Variants in GMDS observed in about 807,000 individuals in gnomAD.
GMDS encodes GDP-mannose 4,6-dehydratase, also known as GDP-mannose 4,6 dehydratase.
Under a neutral mutation model 49.9 loss-of-function variants are expected in GMDS, and 20 were observed. The observed-to-expected ratio is 0.40, with a 90% CI of 0.28 to 0.58. The LOEUF is 0.58. Ranked by LOEUF, GMDS falls within the 20% of genes least tolerant of loss-of-function variation. GMDS has a pLI of 0.42. For synonymous variants in GMDS, 177 were observed against 178.6 expected (o/e 0.99, Z 0.07); for missense variants, 362 against 481.4 (o/e 0.75, Z 2.32).
At chr6:1,815,373 T>C (rs949395187) in intron 7 of GMDS, among the ~76,000 whole-genome samples, 1 of 152,168 alleles carries the variant, frequency 6.6e-6, no homozygotes, top group Non-Finnish European at 1.5e-5. Flanking sequence ...TGGAGAAAAA[T>C]AGTTACAGCA....
intron 7 of GMDS, among the ~76,000 whole-genome samples, chr6:1,877,159 C>G (rs1759110781): frequency 6.6e-6 from 1 of 151,772 alleles, no homozygotes. Context: ...ATCTAACAGC[C>G]AGAGGCACAG....
At chr6:1,999,934 T>TATACA (rs1159159936) in intron 4 of GMDS, among the ~76,000 whole-genome samples, 1 of 77,638 alleles carries the variant, frequency 1.3e-5, no homozygotes, top group South Asian at 4.0e-4. Context: ...TTATATATTA[T>TATACA]TATATATAAT....
At chr6:1,905,002 G>A (rs1412091668) in intron 7 of GMDS, among the ~76,000 whole-genome samples, 1 of 152,232 alleles carries the variant, frequency 6.6e-6, no homozygotes, top group Non-Finnish European at 1.5e-5. Flanking sequence ...GATAAGGGCA[G>A]AAAAGATGGA....
intron 7 of GMDS, among the ~76,000 whole-genome samples, chr6:1,887,819 T>G (rs1444040981): frequency 6.6e-6 from 1 of 152,228 alleles, no homozygotes; most frequent in Admixed American, 6.5e-5. Context: ...TGTGAAATGG[T>G]ATAGTAATTG....
At chr6:1,624,640 C>T (rs1762789477) in intron 9 of GMDS, 100 bp from the exon 10 acceptor site, 6 of 786,544 alleles carry the variant, frequency 7.6e-6, no homozygotes, top group Non-Finnish European at 1.3e-5. Flanking sequence ...TCCCTCTGGG[C>T]GCACAAGGCT....
chr6:1,919,133 A>G (rs1761577888), intron 7 of GMDS, among the ~76,000 whole-genome samples: 1 of 152,182 alleles, frequency 6.6e-6, no homozygotes, highest in Admixed American at 6.5e-5. Context: ...TGTGCCAGGC[A>G]TGTTGGGAGG....
Position 2,168,217 on chromosome 6 carries a change from A to G in GMDS, c.103-43486T>C, listed in dbSNP as rs1038726609. On this transcript the variant is annotated intron_variant, in intron 1 of 10. Transcript: ENST00000380815. ...ATGTGTTAGCAACAGTCATGCTCCA[A>G]TTCTTTCCATTTCCCTCCTTAGCTC... Among the ~76,000 whole-genome samples, 6 of 152,148 alleles carry G rather than the reference A, an allele frequency of 3.9e-5. No homozygotes were observed. The East Asian group carries it at 5.8e-4, about 15-fold the overall frequency.
chr6:1,725,985 T>C (rs1218057187), intron 9 of GMDS, among the ~76,000 whole-genome samples: 1 of 152,212 alleles, frequency 6.6e-6, no homozygotes, highest in Non-Finnish European at 1.5e-5. Flanking sequence ...ATTTATGGTA[T>C]AGTGTGCAAG....
intron 4 of GMDS, among the ~76,000 whole-genome samples, chr6:2,096,687 A>G (rs1259192167): frequency 1.3e-5 from 2 of 152,216 alleles, no homozygotes; most frequent in African/African-American, 4.8e-5. Flanking sequence ...AATCAAAAGC[A>G]AATAGAAAAA....
At position 2,242,386 on chromosome 6, in the gene GMDS, G is replaced by C. The variant is rs149915792; in HGVS notation, c.102+2935C>G. Among the ~76,000 whole-genome samples the C allele has an allele frequency of 1.1e-4, 16 of 152,326 alleles. No homozygotes were observed. In the East Asian group the frequency reaches 3.1e-3, roughly 29 times the overall value. On this transcript the variant is annotated intron_variant, in intron 1 of 10. Coordinates refer to ENST00000380815, the MANE Select transcript of GMDS (RefSeq NM_001500.4). ...AGCTTCTTTAAAGCCTATTTAATAA[G>C]GTTCCCACTTTGGAAAAGGAGTGTG...
At chr6:1,943,847 G>C (rs1243247745) in intron 6 of GMDS, among the ~76,000 whole-genome samples, 1 of 152,178 alleles carries the variant, frequency 6.6e-6, no homozygotes, top group Non-Finnish European at 1.5e-5. Context: ...GTAGCAAATA[G>C]AGGAGGGATG....
At chr6:1,924,799 C>T (rs1056582386) in intron 7 of GMDS, among the ~76,000 whole-genome samples, 1 of 152,130 alleles carries the variant, frequency 6.6e-6, no homozygotes, top group Non-Finnish European at 1.5e-5. Context: ...CTAGAGTGTT[C>T]TCGTGAAGCT....
At chr6:1,644,931 T>C (rs1312140231) in intron 9 of GMDS, among the ~76,000 whole-genome samples, 3 of 103,476 alleles carry the variant, frequency 2.9e-5, no homozygotes, top group Admixed American at 1.0e-4. Flanking sequence ...ACTCTGGTCC[T>C]TTTTTTTTTT....
chr6:2,227,040 G>A (rs540207048), intron 1 of GMDS, among the ~76,000 whole-genome samples: 1 of 152,220 alleles, frequency 6.6e-6, no homozygotes, highest in East Asian at 1.9e-4. Flanking sequence ...AGATAATGCA[G>A]GCAGTAATTA....
At chr6:2,061,529 C>G (rs1018468883) in intron 4 of GMDS, among the ~76,000 whole-genome samples, 1 of 151,740 alleles carries the variant, frequency 6.6e-6, no homozygotes, top group Admixed American at 6.6e-5. Flanking sequence ...CCAACTTGGC[C>G]AACATGGCAA....
chr6:1,998,248 G>A (rs554456523), intron 4 of GMDS, among the ~76,000 whole-genome samples: 7 of 152,212 alleles, frequency 4.6e-5, no homozygotes, highest in African/African-American at 9.6e-5. Context: ...TCAACCTAAC[G>A]AAAAACTTCC....
chr6:1,881,189 A>G (rs953029205), intron 7 of GMDS, among the ~76,000 whole-genome samples: 4 of 152,194 alleles, frequency 2.6e-5, no homozygotes, highest in African/African-American at 9.6e-5. Context: ...ACCAAACACA[A>G]TTAGAAAAGC....
intron 9 of GMDS, among the ~76,000 whole-genome samples, chr6:1,680,450 TCTC>T (rs2113305036): frequency 6.6e-6 from 1 of 152,170 alleles, no homozygotes; most frequent in East Asian, 1.9e-4. Flanking sequence ...CATTGCTAGT[TCTC>T]CTCTTATACC....
At chr6:1,753,936 G>C (rs1767838170) in intron 7 of GMDS, among the ~76,000 whole-genome samples, 1 of 152,152 alleles carries the variant, frequency 6.6e-6, no homozygotes, top group Non-Finnish European at 1.5e-5. Context: ...ATGCAGAAAA[G>C]ATCTAAAATC....
Sources: gnomAD v4.1 joint callset for allele counts (sites outside exome capture counted in the v4.1 genomes callset) on GRCh38, gnomAD v4.1.1 for gene constraint, MANE v1.5 for transcripts, NCBI Gene and HGNC (gene_info 2026-07-23, HGNC 2026-07-21) for gene names.